Variants in APBB1IP observed in about 807,000 individuals in gnomAD.
The protein encoded by APBB1IP is amyloid beta precursor protein binding family B member 1 interacting protein, also known as amyloid beta A4 precursor protein-binding family B member 1-interacting protein.
In APBB1IP, 27 loss-of-function variants were observed where a neutral mutation model predicts 64.9. The observed-to-expected ratio is 0.42, with a 90% CI of 0.31 to 0.57. The LOEUF (loss-of-function observed/expected upper bound fraction) is 0.57. Ranked by LOEUF, APBB1IP falls within the 20% of genes least tolerant of loss-of-function variation. The probability of loss-of-function intolerance (pLI) is 0.20; values close to 1 mark genes in which losing one functional copy is unlikely to be tolerated. For synonymous variants in APBB1IP, 392 were observed against 331.0 expected, an observed-to-expected ratio of 1.18 and a Z score of -2.00; for missense variants, 812 against 845.5, an observed-to-expected ratio of 0.96 and a Z score of 0.49.
At chr10:26,512,160 G>C (rs1836269656) in intron 7 of APBB1IP, among the ~76,000 whole-genome samples, 1 of 152,100 alleles carries the variant, frequency 6.6e-6, no homozygotes, top group Non-Finnish European at 1.5e-5. Flanking sequence ...TTTGGTTCAA[G>C]GCTTTCAATT....
chr10:26,556,358 G>T (rs1473924121), intron 11 of APBB1IP, among the ~76,000 whole-genome samples: 1 of 152,192 alleles, frequency 6.6e-6, no homozygotes, highest in Non-Finnish European at 1.5e-5. Context: ...CACCAAGGGA[G>T]CCAGAAAGGA....
chr10:26,557,719 C>CTT (rs1336146839), intron 11 of APBB1IP, among the ~76,000 whole-genome samples: 3 of 152,176 alleles, frequency 2.0e-5, no homozygotes, highest in Non-Finnish European at 4.4e-5. Context: ...CTCTTGGAGT[C>CTT]TATAAAGGTC....
rs143892003 is a variant in APBB1IP, at chr10:26,460,494, A to G, written c.-1+21641A>G. On this transcript the variant is annotated intron_variant, in intron 2 of 14. Transcript: ENST00000376236. The stretch of plus-strand genomic sequence containing the variant: ...AGTAGGATGTTATATTTTTGCATGC[A>G]TATGTTCATTGTTCACAATAGCACT... Among the ~76,000 whole-genome samples the G allele has an allele frequency of 5.5e-3, 834 of 152,232 alleles. 6 individuals are homozygous for G. Among genetic ancestry groups the G allele is most frequent in the African/African-American group, 0.019 (788 of 41,544 alleles).
At chr10:26,524,955 CTTTTTTTTTT>C (rs56982662) in intron 8 of APBB1IP, among the ~76,000 whole-genome samples, 1 of 73,972 alleles carries the variant, frequency 1.4e-5, no homozygotes, top group African/African-American at 4.6e-5. Flanking sequence ...TTCTTTCTTT[CTTTTTTTTTT>C]TTTTTTTTTA....
chr10:26,515,344 G>A (rs531173725), intron 8 of APBB1IP, among the ~76,000 whole-genome samples: 4 of 152,266 alleles, frequency 2.6e-5, no homozygotes, highest in Admixed American at 6.5e-5. Flanking sequence ...TGCCATTTTC[G>A]ATATGTGGTT....
chr10:26,486,972 C>G (rs993018827), intron 2 of APBB1IP, among the ~76,000 whole-genome samples: 12 of 152,174 alleles, frequency 7.9e-5, no homozygotes, highest in Non-Finnish European at 1.5e-4. Flanking sequence ...ATCACAAAAT[C>G]TAGCTGATTT....
intron 2 of APBB1IP, among the ~76,000 whole-genome samples, chr10:26,455,370 T>C (rs1363828941): frequency 2.6e-5 from 4 of 151,990 alleles, no homozygotes; most frequent in Non-Finnish European, 5.9e-5. Context: ...TCTACTAAAA[T>C]ACAAAAAAGT....
intron 10 of APBB1IP, among the ~76,000 whole-genome samples, chr10:26,539,847 C>G (rs1041593741): frequency 1.8e-4 from 28 of 152,120 alleles, no homozygotes; most frequent in Non-Finnish European, 3.1e-4. Context: ...CACCGCATAA[C>G]TAAAAGTTGC....
intron 11 of APBB1IP, among the ~76,000 whole-genome samples, chr10:26,547,315 T>C (rs1836778303): frequency 6.6e-6 from 1 of 152,252 alleles, no homozygotes; most frequent in Non-Finnish European, 1.5e-5. Flanking sequence ...TAGTCAAATG[T>C]ATAATTTGCA....
chr10:26,470,518 G>A lies in APBB1IP; in HGVS notation c.1-21809G>A, dbSNP rs145659673. ...CGTGCCACTGTACTCCAGCCTAGGC[G>A]ACAGAGCGAGACTCCATCTCAAAAT... On this transcript the variant is annotated intron_variant, in intron 2 of 14. Coordinates refer to ENST00000376236, the MANE Select transcript of APBB1IP (RefSeq NM_019043.4). 5.6e-3 allele frequency among the ~76,000 whole-genome samples: 852 copies of A among 152,230 alleles called. 5 individuals carry two copies. The highest frequency in any genetic ancestry group is 0.048 in the Middle Eastern group (14 of 294).
chr10:26,541,693 GTATGT>G lies in APBB1IP; in HGVS notation c.1155+5_1155+9del, dbSNP rs1836699498. The G allele has an allele frequency of 6.3e-7, 1 of 1,582,922 alleles. No individual in the cohort carries two copies. The highest frequency in any genetic ancestry group is 8.6e-7 in the Non-Finnish European group (1 of 1,159,682). On this transcript the variant is annotated splice_donor_variant and splice_donor_5th_base_variant and intron_variant, in intron 11 of 14. Coordinates refer to ENST00000376236, the MANE Select transcript of APBB1IP (RefSeq NM_019043.4). LOFTEE classifies it high-confidence loss of function. ...CACTGACTATTGCTTTGTTTTAAAGGTATGTTATAAGAAGTCATTCATTTAGATTT... is the reference window on the plus strand; with the variant it reads ...CACTGACTATTGCTTTGTTTTAAAGGTATAAGAAGTCATTCATTTAGATTT...
chr10:26,499,613 A>T (rs1836071364), intron 4 of APBB1IP, among the ~76,000 whole-genome samples: 1 of 152,024 alleles, frequency 6.6e-6, no homozygotes, highest in Admixed American at 6.6e-5. Context: ...CATTACATTC[A>T]CTATATAATG....
chr10:26,518,590 T>C (rs1029707202), intron 8 of APBB1IP, among the ~76,000 whole-genome samples: 1 of 152,236 alleles, frequency 6.6e-6, no homozygotes, highest in African/African-American at 2.4e-5. Context: ...GTGTTACCAT[T>C]AGTTTTTAAA....
chr10:26,502,313 G>A (rs376919061), intron 5 of APBB1IP, among the ~76,000 whole-genome samples: 1 of 152,204 alleles, frequency 6.6e-6, no homozygotes, highest in Admixed American at 6.5e-5. Flanking sequence ...GAGCTTGTCA[G>A]TGCTTTTGTT....
chr10:26,567,520 A>C lies in APBB1IP; in HGVS notation c.*32A>C, dbSNP rs753839285. The C allele has an allele frequency of 3.9e-6, 6 of 1,529,058 alleles. No homozygotes were observed. In the South Asian group the frequency reaches 5.6e-5, roughly 14 times the overall value. 94.7% of individuals were successfully genotyped at this position (1,529,058 alleles called of 1,614,324 possible). ...GCATGATGAGTGTTCCAGAGGGAGA[A>C]GCATCGCTGACCCCGAGCGCAGGTT... On this transcript the variant is annotated 3_prime_UTR_variant, in exon 15 of 15. Transcript: ENST00000376236.
At chr10:26,500,412 G>A (rs998091092) in intron 4 of APBB1IP, among the ~76,000 whole-genome samples, 10 of 151,962 alleles carry the variant, frequency 6.6e-5, no homozygotes, top group Non-Finnish European at 1.3e-4. Context: ...AAATGCTTAG[G>A]GAAAACTCCC....
intron 11 of APBB1IP, among the ~76,000 whole-genome samples, chr10:26,543,533 G>C (rs1836724182): frequency 6.6e-6 from 1 of 151,254 alleles, no homozygotes; most frequent in East Asian, 1.9e-4. Flanking sequence ...GAGTGACAAG[G>C]ATTATTATTA....
At chr10:26,556,336 C>A (rs58582768) in intron 11 of APBB1IP, among the ~76,000 whole-genome samples, 1 of 152,180 alleles carries the variant, frequency 6.6e-6, no homozygotes, top group Non-Finnish European at 1.5e-5. Flanking sequence ...CAAGGCTGAA[C>A]GATTTCTGCA....
intron 8 of APBB1IP, among the ~76,000 whole-genome samples, chr10:26,514,947 C>T (rs758428865): frequency 6.6e-6 from 1 of 151,884 alleles, no homozygotes; most frequent in Non-Finnish European, 1.5e-5. Context: ...TCTCGGCTCA[C>T]TGAAACCTCT....
Sources: allele counts gnomAD v4.1 joint callset (sites outside exome capture counted in the v4.1 genomes callset), GRCh38; gene constraint gnomAD v4.1.1; transcripts MANE v1.5; gene names NCBI Gene and HGNC (gene_info 2026-07-23, HGNC 2026-07-21).